PCDHGA7: variants seen among roughly 807,000 people sequenced by gnomAD.
PCDHGA7 encodes the protein protocadherin gamma subfamily A, 7.
PCDHGA7 carries 44 observed loss-of-function variants against 58.3 expected under a neutral mutation model. That is an observed-to-expected ratio of 0.75 (90% CI 0.59 to 0.97). PCDHGA7 has a LOEUF of 0.97. Ranked by LOEUF, PCDHGA7 falls within the 50% of genes least tolerant of loss-of-function variation. PCDHGA7 has a pLI of 0.00. For synonymous variants in PCDHGA7, 516 were observed against 504.2 expected (o/e 1.02, Z -0.31); for missense variants, 1,266 against 1,188.7 (o/e 1.06, Z -0.96).
At chr5:141,394,250 C>T (rs749533197) in intron 1 of PCDHGA7, 15 of 1,613,784 alleles carry the variant, frequency 9.3e-6, no homozygotes, top group Non-Finnish European at 1.0e-5. Flanking sequence ...CACACGACCC[C>T]GACAGCCAGG....
chr5:141,408,488 T>C lies in PCDHGA7; in HGVS notation c.2424+23165T>C, dbSNP rs199936765. ...GAACCGAATAGACCGTGAGCAAATA[T>C]GCAAAGAGAGAAGAAGATGTGAGTT... On this transcript the variant is annotated intron_variant, in intron 1 of 3. Transcript: ENST00000518325. The C allele has an allele frequency of 8.1e-6, 13 of 1,613,894 alleles. No individual in the cohort carries two copies. The highest frequency in any genetic ancestry group is 4.0e-5 in the African/African-American group (3 of 74,922).
In PCDHGA7 at chr5:141,394,790, G is replaced by A. The variant is rs776824024; in HGVS notation, c.2424+9467G>A. The A allele has an allele frequency of 2.4e-5, 39 of 1,613,718 alleles. No homozygotes were observed. The African/African-American group carries it at 3.2e-4, about 13-fold the overall frequency. ...AGCCCCCTCTCTCCGCCACTGTCAC[G>A]CTCACCGTAGCCGTGGCTGACAGCA... On this transcript the variant is annotated intron_variant, in intron 1 of 3. Transcript: ENST00000518325.
intron 1 of PCDHGA7, among the ~76,000 whole-genome samples, chr5:141,459,014 T>C (rs1429233660): frequency 6.6e-6 from 1 of 152,240 alleles, no homozygotes; most frequent in East Asian, 1.9e-4. Context: ...ATTACAGGCA[T>C]GAGCCACCAC....
At chr5:141,448,663 G>A (rs1195703194) in intron 1 of PCDHGA7, among the ~76,000 whole-genome samples, 3 of 151,920 alleles carry the variant, frequency 2.0e-5, no homozygotes, top group African/African-American at 7.3e-5. Flanking sequence ...CATATTGGCC[G>A]GGCGCGGTGG....
rs778054090 is a variant in PCDHGA7 at position 141,505,509 on chromosome 5, G to C, written c.2572+28G>C. On this transcript the variant is annotated intron_variant, in intron 3 of 3. Coordinates refer to ENST00000518325, the MANE Select transcript of PCDHGA7 (RefSeq NM_018920.4). ...AAGTGGTGTCAGTGTGTGTATGGAA[G>C]AGTGGGAGACCTGGGGTTCTGGGGT... The C allele has an allele frequency of 3.7e-6, 6 of 1,614,058 alleles. No homozygotes were observed. The East Asian group carries it at 1.1e-4, about 30-fold the overall frequency.
Position 141,485,392 on chromosome 5 carries a change from A to G in PCDHGA7, c.2425-9415A>G. ...AGGTCGCTGGAGAGGTGAACCAAAG[A>G]CACTTCCGTGTGGATTTGGACAGCG... On this transcript the variant is annotated intron_variant, in intron 1 of 3. Coordinates refer to ENST00000518325, the MANE Select transcript of PCDHGA7 (RefSeq NM_018920.4). This position sits in a 1 kb window ranked among gnomAD's most constrained non-coding sequence, Gnocchi z 5.7. 1 of 1,613,918 alleles carries G rather than the reference A, an allele frequency of 6.2e-7. No homozygotes were observed. The highest frequency in any genetic ancestry group is 8.5e-7 in the Non-Finnish European group (1 of 1,179,938).
intron 1 of PCDHGA7, chr5:141,417,834 G>A (rs1382990900): frequency 2.0e-6 from 3 of 1,530,144 alleles, no homozygotes; most frequent in Middle Eastern, 3.5e-4. Context: ...GGAAAAGCGG[G>A]GACCCAGCGA....
At chr5:141,393,168 G>T (rs1486915956) in intron 1 of PCDHGA7, 1 of 1,613,100 alleles carries the variant, frequency 6.2e-7, no homozygotes, top group Non-Finnish European at 8.5e-7. Context: ...ACTCTTTGGG[G>T]TAGAAATAGA....
chr5:141,399,656 T>C, intron 1 of PCDHGA7: 1 of 1,613,694 alleles, frequency 6.2e-7, no homozygotes, highest in Non-Finnish European at 8.5e-7. Context: ...AGTGGGGTGG[T>C]GTTCGCGCAG....
chr5:141,414,134 A>G, intron 1 of PCDHGA7: 1 of 1,595,028 alleles, frequency 6.3e-7, no homozygotes, highest in Non-Finnish European at 8.5e-7. Flanking sequence ...GGTTTCTATG[A>G]AATAGAAATA....
Position 141,408,151 on chromosome 5 carries a change from T to G in PCDHGA7, c.2424+22828T>G, listed in dbSNP as rs2154539780. ...CGAATGCTCTTTTAGCGCGGTAGAG[T>G]GCACTTTCTCCAACTGGAAAAGCGG... On this transcript the variant is annotated intron_variant, in intron 1 of 3. Transcript: ENST00000518325. 3.3e-6 allele frequency: 5 copies of G among 1,506,938 alleles called. No individual in the cohort carries two copies. In the East Asian group the frequency reaches 1.2e-4, roughly 37 times the overall value. 93.3% of individuals were successfully genotyped at this position (1,506,938 alleles called of 1,614,324 possible). A position where few individuals can be genotyped will look rare whatever the true frequency, so the allele number is the denominator to read the frequency against.
chr5:141,429,395 A>T (rs545207705), intron 1 of PCDHGA7, among the ~76,000 whole-genome samples: 166 of 152,126 alleles, frequency 1.1e-3, no homozygotes, highest in African/African-American at 3.8e-3. Flanking sequence ...TTTAAAAAAA[A>T]TTGAGATTAA....
At position 141,500,878 on chromosome 5, in the gene PCDHGA7, T is replaced by A. The variant is rs545375199; in HGVS notation, c.2484-4515T>A. On this transcript the variant is annotated intron_variant, in intron 2 of 3. Transcript: ENST00000518325. The stretch of plus-strand genomic sequence containing the variant: ...AGAAAACATACACATTCATTTACAA[T>A]TTTTTTTTTTTGAGACAGTCTCGCT... Among the ~76,000 whole-genome samples, 20 of 92,410 alleles carry A rather than the reference T, an allele frequency of 2.2e-4. 1 individual carries two copies. The East Asian group carries it at 4.8e-3, about 22-fold the overall frequency. The allele number at this position is 92,410 out of a possible 152,430, so 60.6% of individuals were successfully genotyped here.
intron 2 of PCDHGA7, among the ~76,000 whole-genome samples, chr5:141,500,421 G>A (rs1247202322): frequency 6.6e-6 from 1 of 151,852 alleles, no homozygotes; most frequent in Non-Finnish European, 1.5e-5. Flanking sequence ...GTGTTAGCCA[G>A]GATGGTCTCG....
intron 1 of PCDHGA7, chr5:141,403,315 A>G (rs1268267002): frequency 6.2e-7 from 1 of 1,613,974 alleles, no homozygotes; most frequent in Non-Finnish European, 8.5e-7. Flanking sequence ...GAATAGAAAT[A>G]GAAGTAACTG....
intron 1 of PCDHGA7, chr5:141,399,802 C>G: frequency 3.1e-6 from 5 of 1,613,252 alleles, no homozygotes; most frequent in Non-Finnish European, 3.4e-6. Flanking sequence ...ACCGCGGGTG[C>G]TGTACCCCGC....
At chr5:141,463,725 C>T (rs1259646105) in intron 1 of PCDHGA7, among the ~76,000 whole-genome samples, 2 of 152,026 alleles carry the variant, frequency 1.3e-5, no homozygotes, top group Non-Finnish European at 1.5e-5. Context: ...GGATTACAGG[C>T]ATGAGCCACC....
At position 141,409,941 on chromosome 5, in the gene PCDHGA7, G is replaced by C. The variant is rs757414302; in HGVS notation, c.2424+24618G>C. ...TCCGCGTTCTTCGATATGGTACCTC[G>C]CTCTGCAGAGCCCGGCTACCTAGTG... On this transcript the variant is annotated intron_variant, in intron 1 of 3. Transcript: ENST00000518325. 1.9e-6 allele frequency: 3 copies of C among 1,613,226 alleles called. No homozygotes were observed. In the South Asian group the frequency reaches 3.3e-5, roughly 18 times the overall value.
chr5:141,400,630 A>G, intron 1 of PCDHGA7: 8 of 1,394,666 alleles, frequency 5.7e-6, no homozygotes, highest in East Asian at 2.3e-5. Flanking sequence ...TAGGGAAGTC[A>G]GAGCTGCTCA....
Sources: allele counts gnomAD v4.1 joint callset (sites outside exome capture counted in the v4.1 genomes callset), GRCh38; gene constraint gnomAD v4.1.1; non-coding constraint Gnocchi (gnomAD v3.1); transcripts MANE v1.5; gene names NCBI Gene and HGNC (gene_info 2026-07-23, HGNC 2026-07-21).